Variants in CYREN observed in about 807,000 individuals in gnomAD.
CYREN encodes the protein cell cycle regulator of non-homologous end joining.
Under a neutral mutation model 9.7 loss-of-function variants are expected in CYREN, and 7 were observed. The ratio of observed to expected loss-of-function variants is 0.72; its 90% confidence interval spans 0.41 to 1.36. The LOEUF (loss-of-function observed/expected upper bound fraction) is 1.36. Among genes scored for constraint, CYREN ranks in the 40% most tolerant of loss-of-function variants. The pLI is 0.01. For synonymous variants in CYREN, 76 were observed against 77.9 expected, an observed-to-expected ratio of 0.98 and a Z score of 0.13; for missense variants, 215 against 198.1, an observed-to-expected ratio of 1.09 and a Z score of -0.51.
intron 2 of CYREN, chr7:135,148,411 C>G: frequency 3.2e-6 from 1 of 308,698 alleles, no homozygotes; most frequent in Non-Finnish European, 6.3e-6. Context: ...TGTGACCCTC[C>G]CTCGCTCATG....
At chr7:135,099,465 T>C (rs1306420167) in intron 2 of CYREN, among the ~76,000 whole-genome samples, 1 of 152,168 alleles carries the variant, frequency 6.6e-6, no homozygotes, top group Non-Finnish European at 1.5e-5. Flanking sequence ...AGTTAAAAAT[T>C]AAGTTTTATT....
At chr7:135,126,351 C>G (rs1324040310) in intron 2 of CYREN, among the ~76,000 whole-genome samples, 1 of 152,166 alleles carries the variant, frequency 6.6e-6, no homozygotes, top group Non-Finnish European at 1.5e-5. Context: ...TGAAGGACCT[C>G]TTCAAGGAGA....
intron 2 of CYREN, among the ~76,000 whole-genome samples, chr7:135,149,951 G>GTTGT (rs1354166917): frequency 6.6e-6 from 1 of 152,116 alleles, no homozygotes; most frequent in Non-Finnish European, 1.5e-5. Flanking sequence ...TTATATTTAT[G>GTTGT]TTGTTTTTGG....
chr7:135,134,905 C>T, intron 2 of CYREN: 1 of 1,551,134 alleles, frequency 6.4e-7, no homozygotes, highest in Admixed American at 2.0e-5. Flanking sequence ...ACCCAGAAAT[C>T]ACCCTTTTGT....
At chr7:135,098,790 T>C (rs1271559227) in intron 2 of CYREN, among the ~76,000 whole-genome samples, 3 of 152,190 alleles carry the variant, frequency 2.0e-5, no homozygotes, top group Admixed American at 6.5e-5. Flanking sequence ...TACTTTATCA[T>C]GGGACACTAA....
At chr7:135,097,878 A>G (rs1451050920) in intron 2 of CYREN, among the ~76,000 whole-genome samples, 1 of 152,176 alleles carries the variant, frequency 6.6e-6, no homozygotes, top group Non-Finnish European at 1.5e-5. Context: ...GGAGCATACA[A>G]GTTAAACAGT....
At chr7:135,126,572 A>T (rs1401572819) in intron 2 of CYREN, among the ~76,000 whole-genome samples, 1 of 152,232 alleles carries the variant, frequency 6.6e-6, no homozygotes, top group Non-Finnish European at 1.5e-5. Context: ...GAAAACCCCG[A>T]ATAGCCAAGA....
At chr7:135,096,558 A>AAGAAAGATAGATAGAT (rs1303741491) in intron 2 of CYREN, among the ~76,000 whole-genome samples, 25 of 79,746 alleles carry the variant, frequency 3.1e-4, no homozygotes, top group East Asian at 9.2e-4. Context: ...GAAAGAAAGA[A>AAGAAAGATAGATAGAT]AGATAGATAG....
chr7:135,167,711 A>G lies in CYREN; in HGVS notation c.213+21T>C, dbSNP rs1830277906. 4 of 1,613,628 alleles carry G rather than the reference A, an allele frequency of 2.5e-6. No homozygotes were observed. In the South Asian group the frequency reaches 4.4e-5, roughly 18 times the overall value. ...CCATGCAGAGTTTCTGGTCATGAGT[A>G]AGAGGCTTGTCTGACTTTACCTCAA... is the stretch of plus-strand genomic sequence containing the variant. On this transcript the variant is annotated intron_variant, in intron 3 of 3. Transcript: ENST00000393114.
chr7:135,171,332 AAAAAGG>A (rs1404859623), upstream of CYREN, among the ~76,000 whole-genome samples: 1 of 151,692 alleles, frequency 6.6e-6, no homozygotes, highest in Non-Finnish European at 1.5e-5. Context: ...TTTTTAAAAA[AAAAAGG>A]AAGTGAAATC....
At chr7:135,165,301 T>C (rs138045669), downstream of CYREN, 457 of 294,664 alleles carry the variant, frequency 1.6e-3, 3 homozygotes, top group African/African-American at 9.3e-3. Flanking sequence ...CAAATCTTCC[T>C]CTAGCTTCAG....
In CYREN at chr7:135,166,460, T is replaced by C; in HGVS notation, c.*151A>G. Reference sequence around the variant, plus strand: ...AAGGCCCGGAGTGTCCAGGGGCTTCTGGCCTGAGGTGAATCTGCCAGGCCC... The same window carrying C: ...AAGGCCCGGAGTGTCCAGGGGCTTCCGGCCTGAGGTGAATCTGCCAGGCCC... On this transcript the variant is annotated 3_prime_UTR_variant, in exon 4 of 4. Transcript: ENST00000393114. 1 of 1,293,794 alleles carries C rather than the reference T, an allele frequency of 7.7e-7. No individual in the cohort carries two copies. Among genetic ancestry groups the C allele is most frequent in the South Asian group, 1.6e-5 (1 of 62,820 alleles). The allele number at this position is 1,293,794 out of a possible 1,614,324, so 80.1% of individuals were successfully genotyped here. A position where few individuals can be genotyped will look rare whatever the true frequency, so the allele number is the denominator to read the frequency against.
intron 2 of CYREN, among the ~76,000 whole-genome samples, chr7:135,107,179 A>C (rs1402967224): frequency 2.0e-5 from 3 of 151,686 alleles, no homozygotes; most frequent in African/African-American, 7.3e-5. Context: ...GGATTAATCG[A>C]TATTTTCAAT....
chr7:135,153,927 TTGTA>T (rs1345463689), intron 2 of CYREN, among the ~76,000 whole-genome samples: 1 of 152,212 alleles, frequency 6.6e-6, no homozygotes. Context: ...TAGTTTTTCT[TTGTA>T]TGTTTGGTAG....
exon 3 of CYREN, chr7:135,094,443 G>T (rs1036306294): frequency 3.9e-5 from 18 of 456,510 alleles, no homozygotes; most frequent in Admixed American, 1.6e-4. Flanking sequence ...TTAACAAATT[G>T]CCAGAGGCTG....
Position 135,148,661 on chromosome 7 carries a change from G to A in CYREN, n.356+20088C>T, listed in dbSNP as rs371179739. Reference sequence around the variant, plus strand: ...AATAGGTAAACAAAAGCAGGTCACCGACCAACACTAACTAAACCACTATTC... The same window carrying A: ...AATAGGTAAACAAAAGCAGGTCACCAACCAACACTAACTAAACCACTATTC... On this transcript the variant is annotated intron_variant and non_coding_transcript_variant, in intron 2 of 2. Coordinates refer to the CYREN transcript ENST00000459937. Among the ~76,000 whole-genome samples the A allele has an allele frequency of 2.6e-4, 39 of 152,296 alleles. No individual in the cohort carries two copies. In the East Asian group the frequency reaches 3.9e-3, roughly 15 times the overall value.
intron 2 of CYREN, among the ~76,000 whole-genome samples, chr7:135,120,061 GT>G (rs1826925422): frequency 6.6e-6 from 1 of 152,028 alleles, no homozygotes; most frequent in Admixed American, 6.6e-5. Flanking sequence ...GTCAAGAAAG[GT>G]TCAGATAAAA....
intron 2 of CYREN, among the ~76,000 whole-genome samples, chr7:135,097,497 G>T (rs1379698545): frequency 2.0e-5 from 3 of 152,088 alleles, no homozygotes; most frequent in African/African-American, 7.2e-5. Context: ...TCATCAATCT[G>T]CATTATTGGC....
chr7:135,102,556 T>G (rs1419131309), intron 2 of CYREN, among the ~76,000 whole-genome samples: 3 of 151,914 alleles, frequency 2.0e-5, no homozygotes, highest in Non-Finnish European at 2.9e-5. Context: ...CAGTAGACCA[T>G]TTCATGAAGG....
Sources: allele counts gnomAD v4.1 joint callset (sites outside exome capture counted in the v4.1 genomes callset), GRCh38; gene constraint gnomAD v4.1.1; transcripts MANE v1.5; gene names NCBI Gene and HGNC (gene_info 2026-07-23, HGNC 2026-07-21).